DGKG: variants seen among roughly 807,000 people sequenced by gnomAD.
The protein encoded by DGKG is DAG kinase gamma.
In DGKG, 78 loss-of-function variants were observed where a neutral mutation model predicts 105.3. The observed-to-expected ratio is 0.74, with a 90% CI of 0.62 to 0.89. The LOEUF (loss-of-function observed/expected upper bound fraction) is 0.89. Among genes scored for constraint, DGKG ranks in the 40% least tolerant of loss-of-function variants. The pLI, the probability that DGKG is intolerant of heterozygous loss-of-function variation, is 0.00. For missense variants in DGKG, 958 were observed against 1,020.1 expected (o/e 0.94, Z 0.83); for synonymous variants, 346 against 367.1 (o/e 0.94, Z 0.66).
intron 21 of DGKG, among the ~76,000 whole-genome samples, chr3:186,206,588 C>T (rs1357384609): frequency 1.3e-5 from 2 of 151,876 alleles, no homozygotes; most frequent in Admixed American, 6.6e-5. Flanking sequence ...GTGCCTCCCT[C>T]GCCCCACCCC....
At chr3:186,172,869 C>T (rs1716888567) in intron 22 of DGKG, among the ~76,000 whole-genome samples, 1 of 152,220 alleles carries the variant, frequency 6.6e-6, no homozygotes, top group Non-Finnish European at 1.5e-5. Flanking sequence ...CTGTATTAGT[C>T]AGACCAGGCT....
chr3:186,315,337 C>T (rs934897359), intron 2 of DGKG, among the ~76,000 whole-genome samples: 2 of 152,194 alleles, frequency 1.3e-5, no homozygotes, highest in East Asian at 1.9e-4. Flanking sequence ...CACACCTCTT[C>T]CCACAACAGT....
At chr3:186,315,349 C>G (rs994920313) in intron 2 of DGKG, among the ~76,000 whole-genome samples, 2 of 152,204 alleles carry the variant, frequency 1.3e-5, no homozygotes, top group Non-Finnish European at 2.9e-5. Context: ...CACAACAGTA[C>G]TGAGCTATTT....
chr3:186,337,880 G>A (rs1725902613), intron 1 of DGKG, among the ~76,000 whole-genome samples: 1 of 152,058 alleles, frequency 6.6e-6, no homozygotes, highest in African/African-American at 2.4e-5. Context: ...TTAATAAAAA[G>A]TAGAATGGGC....
intron 11 of DGKG, among the ~76,000 whole-genome samples, chr3:186,271,087 CCTT>C (rs1440978302): frequency 6.6e-6 from 1 of 152,172 alleles, no homozygotes; most frequent in Non-Finnish European, 1.5e-5. Flanking sequence ...TACCAGGAGT[CCTT>C]CTGCAGGAGG....
chr3:186,303,685 T>C (rs1724084569), intron 3 of DGKG, among the ~76,000 whole-genome samples: 1 of 152,170 alleles, frequency 6.6e-6, no homozygotes, highest in Admixed American at 6.5e-5. Context: ...GCCACCTGCC[T>C]CTTTTGCTTT....
At chr3:186,353,302 A>T (rs901137761) in intron 1 of DGKG, among the ~76,000 whole-genome samples, 2 of 151,970 alleles carry the variant, frequency 1.3e-5, no homozygotes, top group African/African-American at 4.8e-5. Flanking sequence ...AGGGTGGATC[A>T]TCTGAGGTCA....
intron 15 of DGKG, among the ~76,000 whole-genome samples, chr3:186,261,190 G>T (rs971650284): frequency 9.9e-5 from 15 of 152,266 alleles, no homozygotes; most frequent in African/African-American, 3.4e-4. Flanking sequence ...TAATGATCCC[G>T]GAATTGGGAG....
At chr3:186,177,473 C>T (rs749617711) in intron 22 of DGKG, among the ~76,000 whole-genome samples, 1 of 152,186 alleles carries the variant, frequency 6.6e-6, no homozygotes. Context: ...AGCTGGGGCA[C>T]ATGTGCTGAA....
chr3:186,314,183 A>G (rs1320214611), intron 2 of DGKG, among the ~76,000 whole-genome samples: 3,461 of 69,614 alleles, frequency 0.05, 139 homozygotes, highest in African/African-American at 0.19. Flanking sequence ...GCACACACAC[A>G]CACACACACA....
intron 5 of DGKG, among the ~76,000 whole-genome samples, chr3:186,294,125 A>G (rs1410461016): frequency 6.6e-6 from 1 of 152,152 alleles, no homozygotes; most frequent in Admixed American, 6.5e-5. Context: ...TTAGTCCCAG[A>G]ATGATACAAC....
chr3:186,178,123 T>C (rs1472830566), intron 22 of DGKG, among the ~76,000 whole-genome samples: 3 of 152,218 alleles, frequency 2.0e-5, no homozygotes, highest in Admixed American at 2.0e-4. Context: ...AGAGTGCTTG[T>C]GGCTTGATCT....
intron 1 of DGKG, among the ~76,000 whole-genome samples, chr3:186,354,872 G>A (rs1328410817): frequency 1.3e-5 from 2 of 152,118 alleles, no homozygotes; most frequent in Non-Finnish European, 2.9e-5. Flanking sequence ...CCCAGGCAGG[G>A]CACTTATTAT....
At chr3:186,356,959 G>A (rs1464712440) in intron 1 of DGKG, among the ~76,000 whole-genome samples, 1 of 152,178 alleles carries the variant, frequency 6.6e-6, no homozygotes, top group African/African-American at 2.4e-5. Flanking sequence ...GTAGGAGAGG[G>A]GAGAGTTGCT....
intron 22 of DGKG, among the ~76,000 whole-genome samples, chr3:186,184,287 A>G (rs183620476): frequency 4.5e-4 from 69 of 152,320 alleles, no homozygotes; most frequent in African/African-American, 1.5e-3. Flanking sequence ...GCATAAAGGC[A>G]AAATTTAAAC....
At chr3:186,338,960 TA>T (rs1725960551) in intron 1 of DGKG, among the ~76,000 whole-genome samples, 1 of 152,218 alleles carries the variant, frequency 6.6e-6, no homozygotes, top group Non-Finnish European at 1.5e-5. Context: ...GAGTATTATT[TA>T]TATACATGAG....
At chr3:186,222,688 C>T (rs904620732) in intron 20 of DGKG, among the ~76,000 whole-genome samples, 2 of 151,620 alleles carry the variant, frequency 1.3e-5, no homozygotes, top group Admixed American at 6.6e-5. Flanking sequence ...ACTAAAAATA[C>T]AAAAATTAGG....
At chr3:186,155,339 C>T (rs1715983719) in intron 24 of DGKG, among the ~76,000 whole-genome samples, 1 of 152,042 alleles carries the variant, frequency 6.6e-6, no homozygotes, top group African/African-American at 2.4e-5. Context: ...ATTACAGGCA[C>T]CCACCACCAT....
chr3:186,183,501 TC>T (rs67506260), intron 22 of DGKG, among the ~76,000 whole-genome samples: 114,915 of 141,364 alleles, frequency 0.81, 44,412 homozygotes, highest in East Asian at 0.94. Flanking sequence ...TAAGAACCTT[TC>T]TTGGGGGGGG....
Sources: allele counts gnomAD v4.1 joint callset (sites outside exome capture counted in the v4.1 genomes callset), GRCh38; gene constraint gnomAD v4.1.1; transcripts MANE v1.5; gene names NCBI Gene and HGNC (gene_info 2026-07-23, HGNC 2026-07-21).